The following COPG2 variants were observed in gnomAD, a reference collection of about 807,000 sequenced individuals.
COPG2 encodes coat protein complex I subunit gamma 2, also known as coatomer subunit gamma-2.
In COPG2, 37 loss-of-function variants were observed where a neutral mutation model predicts 46.3. That is an observed-to-expected ratio of 0.80 (90% CI 0.61 to 1.05). The LOEUF is 1.05. Ranked by LOEUF, COPG2 falls within the 50% of genes least tolerant of loss-of-function variation. COPG2 has a pLI of 0.00. For missense variants in COPG2, 427 were observed against 387.8 expected (o/e 1.10, Z -0.85); for synonymous variants, 159 against 129.7 (o/e 1.23, Z -1.53).
chr7:130,639,159 G>C (rs1053485787), intron 5 of COPG2, among the ~76,000 whole-genome samples: 1 of 152,182 alleles, frequency 6.6e-6, no homozygotes, highest in South Asian at 2.1e-4. Flanking sequence ...CTGGAGACCA[G>C]AGCTGTTCCT....
chr7:130,638,817 C>T (rs918933463), intron 5 of COPG2, among the ~76,000 whole-genome samples: 16 of 152,102 alleles, frequency 1.1e-4, no homozygotes, highest in African/African-American at 2.4e-4. Flanking sequence ...TCTGCCCAAA[C>T]GGCCGCCCAG....
intron 5 of COPG2, among the ~76,000 whole-genome samples, chr7:130,651,618 G>A (rs1425935717): frequency 1.4e-5 from 2 of 139,580 alleles, no homozygotes; most frequent in East Asian, 2.2e-4. Context: ...CCGGGTTCAC[G>A]CCATTCTCCT....
At chr7:130,542,973 G>C (rs1793363682) in intron 20 of COPG2, among the ~76,000 whole-genome samples, 1 of 152,158 alleles carries the variant, frequency 6.6e-6, no homozygotes, top group Non-Finnish European at 1.5e-5. Flanking sequence ...TTAAATCCTA[G>C]ACGACAAGCG....
rs983240657 is a variant in COPG2 at position 130,559,256 on chromosome 7, A to G, written c.1128+1777T>C. Among the ~76,000 whole-genome samples the G allele has an allele frequency of 2.0e-4, 31 of 152,328 alleles. 1 individual carries two copies. Among genetic ancestry groups the G allele is most frequent in the Middle Eastern group, 6.8e-3 (2 of 294 alleles). ...AAATGCAGCCTACCCAACCCATTGCAGCTTCTGCCAACACCAACATAAGAC... is the reference window on the plus strand; with the variant it reads ...AAATGCAGCCTACCCAACCCATTGCGGCTTCTGCCAACACCAACATAAGAC... On this transcript the variant is annotated intron_variant, in intron 12 of 23. Coordinates refer to ENST00000425248, the MANE Select transcript of COPG2 (RefSeq NM_012133.6).
intron 20 of COPG2, among the ~76,000 whole-genome samples, chr7:130,541,757 G>A (rs923530886): frequency 3.4e-5 from 5 of 148,068 alleles, no homozygotes; most frequent in African/African-American, 1.3e-4. Flanking sequence ...AGAGCGTGTG[G>A]ATTCAGTGCA....
chr7:130,531,182 CAG>C (rs1799821542), intron 20 of COPG2, among the ~76,000 whole-genome samples: 1 of 14,072 alleles, frequency 7.1e-5, no homozygotes. Flanking sequence ...GAGAGGGAAT[CAG>C]GGTGGGTGGG....
chr7:130,586,365 T>C (rs1022536613), intron 9 of COPG2, among the ~76,000 whole-genome samples: 11 of 152,172 alleles, frequency 7.2e-5, no homozygotes, highest in Non-Finnish European at 1.5e-4. Flanking sequence ...TGGTGGAGTG[T>C]ATACTGCTCA....
intron 5 of COPG2, among the ~76,000 whole-genome samples, chr7:130,627,682 C>G (rs1795142059): frequency 6.6e-6 from 1 of 150,994 alleles, no homozygotes; most frequent in African/African-American, 2.4e-5. Context: ...GTTGTTGTTC[C>G]TGCCTGGTGG....
chr7:130,533,753 C>T (rs913288862), intron 20 of COPG2, among the ~76,000 whole-genome samples: 50 of 152,064 alleles, frequency 3.3e-4, no homozygotes, highest in African/African-American at 1.2e-3. Context: ...ACTGACTGAC[C>T]CTGAGGTGGT....
intron 5 of COPG2, among the ~76,000 whole-genome samples, chr7:130,625,699 G>A (rs1204737323): frequency 1.3e-5 from 2 of 149,906 alleles, no homozygotes; most frequent in Non-Finnish European, 3.0e-5. Flanking sequence ...CTTAGCTTAC[G>A]GGTTTATTTA....
intron 9 of COPG2, among the ~76,000 whole-genome samples, chr7:130,567,617 G>T (rs1669844171): frequency 6.6e-6 from 1 of 152,116 alleles, no homozygotes; most frequent in East Asian, 1.9e-4. Context: ...AGATTTCTCA[G>T]CAGAAACCCT....
At chr7:130,658,729 G>A in intron 4 of COPG2, among the ~76,000 whole-genome samples, 1 of 151,248 alleles carries the variant, frequency 6.6e-6, no homozygotes, top group Non-Finnish European at 1.5e-5. Flanking sequence ...TACCTGGGCT[G>A]GAGTGCAGTG....
rs1226070390 is a variant in COPG2 at position 130,537,361 on chromosome 7, G to A, written c.2149+10313C>T. On this transcript the variant is annotated intron_variant, in intron 20 of 23. Coordinates refer to ENST00000425248, the MANE Select transcript of COPG2 (RefSeq NM_012133.6). Reference sequence around the variant, plus strand: ...AGTGCAGTACGTGTGACACAGAGAGGACTGCATCTGGTGGAGCAGTGGGTG... The same window carrying A: ...AGTGCAGTACGTGTGACACAGAGAGAACTGCATCTGGTGGAGCAGTGGGTG... Among the ~76,000 whole-genome samples the A allele has an allele frequency of 3.3e-5, 5 of 149,670 alleles. No homozygotes were observed. In the East Asian group the frequency reaches 9.8e-4, roughly 29 times the overall value.
At chr7:130,643,725 A>G (rs1166504693) in intron 5 of COPG2, among the ~76,000 whole-genome samples, 2 of 152,228 alleles carry the variant, frequency 1.3e-5, no homozygotes, top group Non-Finnish European at 1.5e-5. Flanking sequence ...TGGGAGGCCA[A>G]GGCATGTCAG....
At chr7:130,631,604 A>G (rs1424037097) in intron 5 of COPG2, among the ~76,000 whole-genome samples, 1 of 152,180 alleles carries the variant, frequency 6.6e-6, no homozygotes, top group Non-Finnish European at 1.5e-5. Context: ...TCTTTAACCT[A>G]TTAGATTTTC....
chr7:130,611,083 G>A lies in COPG2; in HGVS notation c.607C>T (p.Leu203Phe). The A allele has an allele frequency of 6.2e-7, 1 of 1,613,632 alleles. No individual in the cohort carries two copies. Residue 203 changes from leucine (L) to phenylalanine (F), a missense_variant, in exon 9 of 24, where the codon CTT becomes TTT. Coordinates refer to ENST00000425248, the MANE Select transcript of COPG2 (RefSeq NM_012133.6). ...ACAGCAAGTCGATCATTCTTTCTAA[G>A]GTGATACAGGACTCCCAATGCATGG... ...QYHALGVLYHLRKNDRLAVSK... is the reference protein window; with the variant it reads ...QYHALGVLYHFRKNDRLAVSK...
chr7:130,591,013 T>C (rs1325840084), intron 9 of COPG2, among the ~76,000 whole-genome samples: 1 of 150,756 alleles, frequency 6.6e-6, no homozygotes, highest in Non-Finnish European at 1.5e-5. Flanking sequence ...GGAGCGTCTC[T>C]GCCCGGCAGC....
chr7:130,642,636 T>G (rs970467088), intron 5 of COPG2, among the ~76,000 whole-genome samples: 1 of 152,260 alleles, frequency 6.6e-6, no homozygotes, highest in Non-Finnish European at 1.5e-5. Context: ...AATTTGTTCC[T>G]TCTTCTTTGA....
intron 1 of COPG2, 72 bp downstream of exon 1, chr7:130,668,560 A>G: frequency 1.4e-6 from 2 of 1,407,606 alleles, no homozygotes; most frequent in Admixed American, 2.4e-5. Flanking sequence ...CGCCGGCCTG[A>G]AAGCAGGTGG....
Sources: gnomAD v4.1 joint callset for allele counts (sites outside exome capture counted in the v4.1 genomes callset) on GRCh38, gnomAD v4.1.1 for gene constraint, MANE v1.5 for transcripts, NCBI Gene and HGNC (gene_info 2026-07-23, HGNC 2026-07-21) for gene names.